NATD1: variants seen among roughly 807,000 people sequenced by gnomAD.
The protein encoded by NATD1 is N-acetyltransferase domain containing 1.
In NATD1, 9 loss-of-function variants were observed where a neutral mutation model predicts 12.0. That is an observed-to-expected ratio of 0.75 (90% CI 0.45 to 1.30). The LOEUF (loss-of-function observed/expected upper bound fraction) is 1.30. Among genes scored for constraint, NATD1 ranks in the 50% most tolerant of loss-of-function variants. The pLI, the probability that NATD1 is intolerant of heterozygous loss-of-function variation, is 0.00. For synonymous variants in NATD1, 71 were observed against 65.9 expected (o/e 1.08, Z -0.37); for missense variants, 148 against 148.5 (o/e 1.00, Z 0.02).
rs1161923804 is a variant in NATD1, at chr17:21,242,293, G to T, written c.*1020C>A. 6.6e-6 allele frequency: 1 copy of T among 152,348 alleles called. No individual in the cohort carries two copies. The highest frequency in any genetic ancestry group is 1.5e-5 in the Non-Finnish European group (1 of 68,140). The allele number at this position is 152,348 out of a possible 1,614,324, so 9.4% of individuals were successfully genotyped here. The stretch of plus-strand genomic sequence containing the variant: ...AGGCTGGGTTGGGGAGGAGCCCAGG[G>T]CCAGATGGGCAGCAAAGTGTATCCG... On this transcript the variant is annotated 3_prime_UTR_variant, in exon 3 of 3. Coordinates refer to ENST00000611551, the MANE Select transcript of NATD1 (RefSeq NM_152914.3).
intron 1 of NATD1, among the ~76,000 whole-genome samples, chr17:21,245,759 C>G (rs1287732392): frequency 6.6e-6 from 1 of 152,184 alleles, no homozygotes; most frequent in East Asian, 1.9e-4. Flanking sequence ...TGCCTGATGC[C>G]CTTTCTCCGT....
intron 1 of NATD1, among the ~76,000 whole-genome samples, chr17:21,252,863 AG>A (rs1237532890): frequency 6.6e-6 from 1 of 151,710 alleles, no homozygotes; most frequent in Non-Finnish European, 1.5e-5. Flanking sequence ...CTGCCTTTCC[AG>A]GGGCCCCTGT....
chr17:21,244,999 G>A lies in NATD1; in HGVS notation c.107-775C>T, dbSNP rs940918298. On this transcript the variant is annotated intron_variant, in intron 1 of 2. Transcript: ENST00000611551. This position sits in a 1 kb window ranked among gnomAD's most constrained non-coding sequence, Gnocchi z 5.2. ...CCAGGTACTGTTTCAGATGCTGGGA[G>A]TATAGCAACAAACAAGCTAGACATG... 3.9e-5 allele frequency among the ~76,000 whole-genome samples: 6 copies of A among 152,196 alleles called. No individual in the cohort carries two copies. The highest frequency in any genetic ancestry group is 8.8e-5 in the Non-Finnish European group (6 of 68,040).
chr17:21,249,892 G>A (rs929758449), intron 1 of NATD1, among the ~76,000 whole-genome samples: 1 of 152,196 alleles, frequency 6.6e-6, no homozygotes, highest in Admixed American at 6.5e-5. Context: ...TCAGAACCAG[G>A]ATATGGCATC....
rs1397111575 is a variant in NATD1, at chr17:21,244,195, CAT to C, written c.134_135del (p.Tyr45Ter). ...TCCACGATCCGCTTGCCCACGTACTCATAGAGCAGGACGGCCCGGTCATGACA... is the reference window on the plus strand; with the variant it reads ...TCCACGATCCGCTTGCCCACGTACTCAGAGCAGGACGGCCCGGTCATGACA... ...NGCHDRAVLL[Y>X]EYVGKRIVDL... On this transcript the variant is annotated frameshift_variant, in exon 2 of 3. Transcript: ENST00000611551. LOFTEE classifies it high-confidence loss of function. This position sits in a 1 kb window ranked among gnomAD's most constrained non-coding sequence, Gnocchi z 5.2. The C allele has an allele frequency of 1.2e-6, 2 of 1,613,128 alleles. No individual in the cohort carries two copies. Among genetic ancestry groups the C allele is most frequent in the Non-Finnish European group, 8.5e-7 (1 of 1,179,766 alleles).
chr17:21,251,293 G>GAAAAAAAAAAAAAAAAA (rs923554742), intron 1 of NATD1, among the ~76,000 whole-genome samples: 1 of 85,534 alleles, frequency 1.2e-5, no homozygotes, highest in Non-Finnish European at 2.4e-5. Flanking sequence ...GAAAGAAAAA[G>GAAAAAAAAAAAAAAAAA]AAAAAAAAAA....
chr17:21,253,292 G>T lies in NATD1; in HGVS notation c.-28C>A. On this transcript the variant is annotated 5_prime_UTR_variant, in exon 1 of 3. Coordinates refer to ENST00000611551, the MANE Select transcript of NATD1 (RefSeq NM_152914.3). ...GCGCGCGGGGCTGCGGCGCGGCGCC[G>T]GCGGGGGCCGGGGCGCGCGGGGAAA... The T allele has an allele frequency of 4.2e-6, 4 of 947,174 alleles. No homozygotes were observed. The highest frequency in any genetic ancestry group is 4.7e-5 in the South Asian group (1 of 21,322). 58.7% of individuals were successfully genotyped at this position (947,174 alleles called of 1,614,324 possible). A position where few individuals can be genotyped will look rare whatever the true frequency, so the allele number is the denominator to read the frequency against.
At chr17:21,251,010 T>C (rs1054698003) in intron 1 of NATD1, among the ~76,000 whole-genome samples, 1 of 152,034 alleles carries the variant, frequency 6.6e-6, no homozygotes, top group Non-Finnish European at 1.5e-5. Flanking sequence ...AGACGACCCC[T>C]CTCTGGTCCC....
In NATD1 at chr17:21,246,923, C is replaced by T. The variant is rs543200130; in HGVS notation, c.107-2699G>A. Among the ~76,000 whole-genome samples the T allele has an allele frequency of 3.3e-5, 5 of 152,282 alleles. No homozygotes were observed. In the East Asian group the frequency reaches 9.6e-4, roughly 29 times the overall value. The stretch of plus-strand genomic sequence containing the variant: ...GGAGGCCAGAGTGGCTGGGCCCAAA[C>T]AAGCCGGGAGTGAGGGTTGGGAAAC... On this transcript the variant is annotated intron_variant, in intron 1 of 2. Coordinates refer to ENST00000611551, the MANE Select transcript of NATD1 (RefSeq NM_152914.3).
chr17:21,249,988 G>A (rs1178458252), intron 1 of NATD1, among the ~76,000 whole-genome samples: 7 of 152,230 alleles, frequency 4.6e-5, no homozygotes, highest in African/African-American at 9.6e-5. Flanking sequence ...GGATCTAGAC[G>A]TTTCTCCCAC....
At chr17:21,247,326 G>C (rs997150494) in intron 1 of NATD1, among the ~76,000 whole-genome samples, 2 of 152,228 alleles carry the variant, frequency 1.3e-5, no homozygotes, top group Admixed American at 1.3e-4. Flanking sequence ...TGGACAACTG[G>C]CTGGACCAGC....
At position 21,239,565 on chromosome 17, in the gene NATD1, G is replaced by A. The variant is rs1215750094; in HGVS notation, c.*3748C>T. On this transcript the variant is annotated 3_prime_UTR_variant, in exon 3 of 3. Coordinates refer to ENST00000611551, the MANE Select transcript of NATD1 (RefSeq NM_152914.3). The stretch of plus-strand genomic sequence containing the variant: ...AACACTTTGGGAGGCCGAGGTGGGC[G>A]GATCATTTGAGGTCAGGTGTTCAAG... 4 of 152,224 alleles carry A rather than the reference G, an allele frequency of 2.6e-5. No individual in the cohort carries two copies. The highest frequency in any genetic ancestry group is 1.9e-4 in the East Asian group (1 of 5,198). 9.4% of individuals were successfully genotyped at this position (152,224 alleles called of 1,614,324 possible).
chr17:21,252,991 C>T (rs1975392598), intron 1 of NATD1, among the ~76,000 whole-genome samples, 168 bp downstream of exon 1: 1 of 150,230 alleles, frequency 6.7e-6, no homozygotes, highest in Non-Finnish European at 1.5e-5. Context: ...GCCCGGAGCT[C>T]CGGCCGCCCG....
In NATD1 at chr17:21,244,212, C is replaced by G. The variant is rs373476359; in HGVS notation, c.119G>C (p.Arg40Pro). ...CACGTACTCATAGAGCAGGACGGCC[C>G]GGTCATGACATCCTGGGGGTTGTGG... ...FTVRLNGCHD[R>P]AVLLYEYVGK... Residue 40 changes from arginine (R) to proline (P), a missense_variant, in exon 2 of 3, where the codon CGG (arginine) becomes CCG (proline). By Grantham distance (103) the Arg-to-Pro change is moderately radical. Transcript: ENST00000611551. This position sits in a 1 kb window ranked among gnomAD's most constrained non-coding sequence, Gnocchi z 5.2. The G allele has an allele frequency of 6.2e-7, 1 of 1,611,578 alleles. No individual in the cohort carries two copies. Among genetic ancestry groups the G allele is most frequent in the Non-Finnish European group, 8.5e-7 (1 of 1,178,988 alleles).
At chr17:21,252,722 GCT>G (rs1975389268) in intron 1 of NATD1, among the ~76,000 whole-genome samples, 1 of 152,136 alleles carries the variant, frequency 6.6e-6, no homozygotes, top group Non-Finnish European at 1.5e-5. Context: ...ACAGGTCACG[GCT>G]GACCAACTTT....
In NATD1 at chr17:21,244,838, C is replaced by T. The variant is rs1321770595; in HGVS notation, c.107-614G>A. On this transcript the variant is annotated intron_variant, in intron 1 of 2. Coordinates refer to ENST00000611551, the MANE Select transcript of NATD1 (RefSeq NM_152914.3). The surrounding 1 kb of genome is among the most constrained non-coding windows in gnomAD (Gnocchi z 5.2). ...AAGCCTGGAGCTCACCAGTCCACCC[C>T]AAACTGCTGCTGGGCAAACAATTAA... Among the ~76,000 whole-genome samples the T allele has an allele frequency of 2.6e-5, 4 of 152,206 alleles. No individual in the cohort carries two copies. Among genetic ancestry groups the T allele is most frequent in the Non-Finnish European group, 4.4e-5 (3 of 68,046 alleles).
rs1486765797 is a variant in NATD1, at chr17:21,253,240, G to A, written c.25C>T (p.Pro9Ser). The A allele has an allele frequency of 1.9e-5, 19 of 997,586 alleles. No homozygotes were observed. The African/African-American group carries it at 1.9e-4, about 10-fold the overall frequency. 61.8% of individuals were successfully genotyped at this position (997,586 alleles called of 1,614,324 possible). A position where few individuals can be genotyped will look rare whatever the true frequency, so the allele number is the denominator to read the frequency against. Reference protein sequence around the residue: MAHSAAAVPLGALEQGCPI... With the variant: MAHSAAAVSLGALEQGCPI... Reference sequence around the variant, plus strand: ...CAGCCCTGCTCCAGCGCGCCCAGCGGCACGGCGGCAGCCGAGTGCGCCATC... The same window carrying A: ...CAGCCCTGCTCCAGCGCGCCCAGCGACACGGCGGCAGCCGAGTGCGCCATC... The change falls in exon 1 of 3, where the codon CCG becomes TCG. Residue 9 changes from proline to serine, a missense_variant. Coordinates refer to ENST00000611551, the MANE Select transcript of NATD1 (RefSeq NM_152914.3).
At chr17:21,249,549 A>G (rs1447608790) in intron 1 of NATD1, among the ~76,000 whole-genome samples, 1 of 152,190 alleles carries the variant, frequency 6.6e-6, no homozygotes, top group Non-Finnish European at 1.5e-5. Flanking sequence ...CACTGCATCC[A>G]GGGGTGCTGA....
intron 1 of NATD1, among the ~76,000 whole-genome samples, chr17:21,245,268 G>A (rs1370116958): frequency 6.6e-6 from 1 of 152,176 alleles, no homozygotes; most frequent in Non-Finnish European, 1.5e-5. Context: ...GGGGCAGGGA[G>A]GTGATAGGGC....
Sources: allele counts gnomAD v4.1 joint callset (sites outside exome capture counted in the v4.1 genomes callset), GRCh38; gene constraint gnomAD v4.1.1; non-coding constraint Gnocchi (gnomAD v3.1); transcripts MANE v1.5; gene names NCBI Gene and HGNC (gene_info 2026-07-23, HGNC 2026-07-21).